The following FAM171B variants were observed in gnomAD, a reference collection of about 807,000 sequenced individuals.
FAM171B encodes the protein family with sequence similarity 171 member B, also known as protein FAM171B.
A neutral mutation model predicts 75.6 loss-of-function variants in FAM171B; 19 were observed. The observed-to-expected ratio is 0.25, with a 90% confidence interval of 0.18 to 0.37. FAM171B has a LOEUF of 0.37. Among genes scored for constraint, FAM171B ranks in the 10% least tolerant of loss-of-function variants. The probability of loss-of-function intolerance (pLI) is 1.00; values close to 1 mark genes in which losing one functional copy is unlikely to be tolerated. For synonymous variants in FAM171B, 367 were observed against 361.7 expected, an observed-to-expected ratio of 1.01 and a Z score of -0.17; for missense variants, 848 against 982.4, an observed-to-expected ratio of 0.86 and a Z score of 1.83.
intron 6 of FAM171B, among the ~76,000 whole-genome samples, chr2:186,756,392 T>A (rs1690531393): frequency 6.6e-6 from 1 of 152,214 alleles, no homozygotes; most frequent in Admixed American, 6.5e-5. Flanking sequence ...CAACTGAACA[T>A]TAGTTTTCTT....
rs147631304 is a variant in FAM171B, at chr2:186,762,529, C to T, written c.2187C>T (p.Ser729=). 3.9e-4 allele frequency: 626 copies of T among 1,613,550 alleles called. 3 individuals carry two copies. Among genetic ancestry groups the T allele is most frequent in the Middle Eastern group, 2.5e-3 (15 of 6,058 alleles). ...AGAGGGAGAAAACATTCATCAAAAG[C>T]ATGCATCAGCCCAAGATCCTTTACT... The part of the protein sequence containing the change: ...KLEREKTFIK[S]MHQPKILYLE... Residue 729 remains serine, a synonymous_variant, in exon 8 of 8, where the codon AGC becomes AGT. Transcript: ENST00000304698. This position sits in a 1 kb window ranked among gnomAD's most constrained non-coding sequence, Gnocchi z 4.0.
At chr2:186,761,083 T>C (rs1359614143) in intron 6 of FAM171B, 30 bp from the exon 7 acceptor site, 2 of 1,581,234 alleles carry the variant, frequency 1.3e-6, no homozygotes, top group Admixed American at 3.7e-5. Context: ...TAAAATAACA[T>C]TTTCTCTTTG....
intron 1 of FAM171B, among the ~76,000 whole-genome samples, chr2:186,730,319 G>A (rs964447893): frequency 2.6e-5 from 4 of 152,344 alleles, no homozygotes; most frequent in African/African-American, 7.2e-5. Context: ...TTACAGGTGT[G>A]TATTAGGATG....
At chr2:186,739,074 G>A (rs775857354) in intron 1 of FAM171B, among the ~76,000 whole-genome samples, 13 of 152,282 alleles carry the variant, frequency 8.5e-5, no homozygotes, top group Non-Finnish European at 1.8e-4. Context: ...TTAAGTGTCA[G>A]TGCATCTAAA....
At chr2:186,742,440 A>G (rs1690302044) in intron 2 of FAM171B, among the ~76,000 whole-genome samples, 1 of 152,186 alleles carries the variant, frequency 6.6e-6, no homozygotes, top group African/African-American at 2.4e-5. Context: ...TGAAATTGAA[A>G]TTACATTTTT....
intron 1 of FAM171B, among the ~76,000 whole-genome samples, chr2:186,736,037 C>T (rs926595252): frequency 3.0e-4 from 45 of 152,152 alleles, no homozygotes; most frequent in African/African-American, 1.1e-3. Flanking sequence ...TCTGTATCAC[C>T]TTGGAATCTC....
In FAM171B at chr2:186,764,218, T is replaced by A. The variant is rs1006533011; in HGVS notation, c.*1395T>A. 1 of 152,078 alleles carries A rather than the reference T, an allele frequency of 6.6e-6. No homozygotes were observed. The highest frequency in any genetic ancestry group is 1.5e-5 in the Non-Finnish European group (1 of 67,958). 9.4% of individuals were successfully genotyped at this position (152,078 alleles called of 1,614,324 possible). On this transcript the variant is annotated 3_prime_UTR_variant, in exon 8 of 8. Transcript: ENST00000304698. Reference sequence around the variant, plus strand: ...AATTGCTTTATTTTTCATTCCCTCCTATTCAACATGGGAGCAGCATAGAGA... The same window carrying A: ...AATTGCTTTATTTTTCATTCCCTCCAATTCAACATGGGAGCAGCATAGAGA...
chr2:186,724,505 C>T (rs1231459057), intron 1 of FAM171B, among the ~76,000 whole-genome samples: 2 of 152,192 alleles, frequency 1.3e-5, no homozygotes, highest in African/African-American at 4.8e-5. Flanking sequence ...TGTTGTTTTA[C>T]TCTTCATCCT....
chr2:186,712,464 C>A (rs970909803), intron 1 of FAM171B, among the ~76,000 whole-genome samples: 26 of 152,274 alleles, frequency 1.7e-4, no homozygotes, highest in African/African-American at 6.3e-4. Context: ...GGTATTCCAA[C>A]ATTCTTTTTC....
intron 1 of FAM171B, among the ~76,000 whole-genome samples, chr2:186,701,411 A>T (rs1689659522): frequency 6.6e-6 from 1 of 152,176 alleles, no homozygotes; most frequent in African/African-American, 2.4e-5. Flanking sequence ...ACAATATTCT[A>T]ACTATAGTCC....
intron 1 of FAM171B, among the ~76,000 whole-genome samples, chr2:186,720,005 G>A (rs575733292): frequency 6.6e-6 from 1 of 152,318 alleles, no homozygotes; most frequent in South Asian, 2.1e-4. Flanking sequence ...TTGTGTGTTT[G>A]CAGTATAATC....
At chr2:186,703,076 T>TATACACAC (rs145728723) in intron 1 of FAM171B, among the ~76,000 whole-genome samples, 5 of 145,576 alleles carry the variant, frequency 3.4e-5, no homozygotes, top group African/African-American at 1.0e-4. Context: ...TATATATATA[T>TATACACAC]ACACACACAC....
chr2:186,732,029 A>G (rs1270618371), intron 1 of FAM171B, among the ~76,000 whole-genome samples: 1 of 152,228 alleles, frequency 6.6e-6, no homozygotes, highest in Non-Finnish European at 1.5e-5. Context: ...TGTAATAATA[A>G]TAAAGTACAC....
chr2:186,727,723 C>T (rs574448289), intron 1 of FAM171B, among the ~76,000 whole-genome samples: 1 of 152,076 alleles, frequency 6.6e-6, no homozygotes, highest in South Asian at 2.1e-4. Context: ...TGAATGCTAG[C>T]CTAAAACGTT....
chr2:186,761,219 A>G lies in FAM171B; in HGVS notation c.1119A>G (p.Val373=). 4 of 1,612,192 alleles carry G rather than the reference A, an allele frequency of 2.5e-6. No homozygotes were observed. The highest frequency in any genetic ancestry group is 1.1e-5 in the South Asian group (1 of 90,734). The change falls in exon 7 of 8, where the codon GTA becomes GTG. Residue 373 remains valine, a synonymous_variant. Coordinates refer to ENST00000304698, the MANE Select transcript of FAM171B (RefSeq NM_177454.4). ...TCATTGTCATTGGATTTTTTGCTGT[A>G]CTACTTTGTTATTGCAGGTAAGAAA... The part of the protein sequence containing the change: ...TIVIVIGFFA[V]LLCYCRDKCG...
At chr2:186,753,882 A>G in intron 5 of FAM171B, 51 bp from the exon 6 acceptor site, 1 of 1,379,574 alleles carries the variant, frequency 7.2e-7, no homozygotes, top group South Asian at 1.2e-5. Flanking sequence ...GTGCATGACC[A>G]TCAGTTCTTA....
In FAM171B at chr2:186,755,303, T is replaced by C. The variant is rs146518402; in HGVS notation, c.1012+1254T>C. ...ACCACCAGCCTTGGTGAGTCAATTA[T>C]GATAGCTTATTTTCCTTTATTCTTG... On this transcript the variant is annotated intron_variant, in intron 6 of 7. Transcript: ENST00000304698. 9.1e-3 allele frequency among the ~76,000 whole-genome samples: 1,391 copies of C among 152,324 alleles called. 27 individuals are homozygous for C. The highest frequency in any genetic ancestry group is 0.03 in the African/African-American group (1,267 of 41,566).
At position 186,762,084 on chromosome 2, in the gene FAM171B, A is replaced by C; in HGVS notation, c.1742A>C (p.Asn581Thr). Residue 581 changes from asparagine (N) to threonine (T), a missense_variant, in exon 8 of 8, where the codon AAC becomes ACC. Physicochemically the swap from Asn to Thr is moderately conservative, Grantham distance 65 (BLOSUM62 0). Transcript: ENST00000304698. The surrounding 1 kb of genome is among the most constrained non-coding windows in gnomAD (Gnocchi z 4.0). ...TTGATGGAACCAGTAAATCGAGAGAACTTTACGCAGACCTTGCCCAAAATG... is the reference window on the plus strand; with the variant it reads ...TTGATGGAACCAGTAAATCGAGAGACCTTTACGCAGACCTTGCCCAAAATG... ...GQLMEPVNRE[N>T]FTQTLPKMPI... The C allele has an allele frequency of 6.2e-7, 1 of 1,613,728 alleles. No individual in the cohort carries two copies. The highest frequency in any genetic ancestry group is 8.5e-7 in the Non-Finnish European group (1 of 1,179,778).
At chr2:186,745,999 ATTTAT>A (rs1217123722) in intron 3 of FAM171B, among the ~76,000 whole-genome samples, 1 of 152,172 alleles carries the variant, frequency 6.6e-6, no homozygotes, top group East Asian at 1.9e-4. Context: ...TTCATTTATC[ATTTAT>A]TGTCATGTAG....
Sources: gnomAD v4.1 joint callset for allele counts (sites outside exome capture counted in the v4.1 genomes callset) on GRCh38, gnomAD v4.1.1 for gene constraint, Gnocchi (gnomAD v3.1) non-coding constraint, MANE v1.5 for transcripts, NCBI Gene and HGNC (gene_info 2026-07-23, HGNC 2026-07-21) for gene names.